The following EMX1 variants were observed in gnomAD, a reference collection of about 807,000 sequenced individuals.
EMX1 encodes empty spiracles homeobox 1.
In EMX1, 10 loss-of-function variants were observed where a neutral mutation model predicts 20.1. The observed-to-expected ratio is 0.50, with a 90% confidence interval of 0.31 to 0.84. The LOEUF (loss-of-function observed/expected upper bound fraction) is 0.84, where lower values mean the gene tolerates loss of function less well. Among genes scored for constraint, EMX1 ranks in the 40% least tolerant of loss-of-function variants. The pLI, the probability that EMX1 is intolerant of heterozygous loss-of-function variation, is 0.05. For missense variants in EMX1, 424 were observed against 431.9 expected, an observed-to-expected ratio of 0.98 and a Z score of 0.16; for synonymous variants, 250 against 200.4, an observed-to-expected ratio of 1.25 and a Z score of -2.09.
rs1189891345 is a variant in EMX1 at position 72,926,339 on chromosome 2, CAT to C, written c.705+1851_705+1852del. On this transcript the variant is annotated intron_variant, in intron 2 of 2. Transcript: ENST00000258106. ...CATTTTTATTATGAGACATTTCAAA[CAT>C]ATATTTAAAACAAAACCAGATAGAA... 7.3e-6 allele frequency: 7 copies of C among 963,512 alleles called. No individual in the cohort carries two copies. In the Admixed American group the frequency reaches 4.3e-4, roughly 59 times the overall value. The allele number at this position is 963,512 out of a possible 1,614,324, so 59.7% of individuals were successfully genotyped here.
upstream of EMX1, chr2:72,917,437 T>C (rs1250339226): frequency 5.1e-6 from 1 of 196,294 alleles, no homozygotes; most frequent in East Asian, 1.4e-4. Context: ...CCACCCGCCG[T>C]CCCTCGCCCC....
chr2:72,930,568 A>G lies in EMX1; in HGVS notation c.706-3219A>G, dbSNP rs148409746. On this transcript the variant is annotated intron_variant, in intron 2 of 2. Transcript: ENST00000258106. The surrounding 1 kb of genome is among the most constrained non-coding windows in gnomAD (Gnocchi z 4.4). ...AAGGGGTCCTCCAGCTAACATTCCA[A>G]CTGTACCTCGGGGCTTAGAGAGAGG... Among the ~76,000 whole-genome samples, 135 of 152,230 alleles carry G rather than the reference A, an allele frequency of 8.9e-4. 1 individual carries two copies. Among genetic ancestry groups the G allele is most frequent in the African/African-American group, 3.0e-3 (124 of 41,526 alleles).
At chr2:72,918,413 G>A in intron 1 of EMX1, 41 bp downstream of exon 1, 3 of 1,361,380 alleles carry the variant, frequency 2.2e-6, no homozygotes, top group Non-Finnish European at 2.8e-6. Flanking sequence ...GCCGGCCGGC[G>A]CCCGTGCTGC....
In EMX1 at chr2:72,934,087, T is replaced by A; in HGVS notation, c.*133T>A. On this transcript the variant is annotated 3_prime_UTR_variant, in exon 3 of 3. Transcript: ENST00000258106. The stretch of plus-strand genomic sequence containing the variant: ...GCCTGGAGTCATGGCCCCACAGGGC[T>A]TGAAGCCCGGGGCCGCCATTGACAG... The A allele has an allele frequency of 7.8e-7, 1 of 1,277,372 alleles. No individual in the cohort carries two copies. Among genetic ancestry groups the A allele is most frequent in the Non-Finnish European group, 1.1e-6 (1 of 945,048 alleles). 79.1% of individuals were successfully genotyped at this position (1,277,372 alleles called of 1,614,324 possible).
At chr2:72,927,670 A>T (rs1671227043) in intron 2 of EMX1, among the ~76,000 whole-genome samples, 1 of 152,214 alleles carries the variant, frequency 6.6e-6, no homozygotes, top group Non-Finnish European at 1.5e-5. Context: ...GAAAAAGTTT[A>T]AAAACAGTTA....
At chr2:72,931,361 A>G (rs937593640) in intron 2 of EMX1, among the ~76,000 whole-genome samples, 1 of 152,244 alleles carries the variant, frequency 6.6e-6, no homozygotes, top group Non-Finnish European at 1.5e-5. Context: ...GGAAAGAGGA[A>G]GGTACAGAAA....
intron 2 of EMX1, 78 bp from the exon 3 acceptor site, chr2:72,933,709 G>T: frequency 6.4e-7 from 1 of 1,559,690 alleles, no homozygotes; most frequent in Non-Finnish European, 8.7e-7. Flanking sequence ...TCTCAGCTCA[G>T]CCTGAGTGTT....
chr2:72,916,593 G>A, upstream of EMX1: 1 of 654,646 alleles, frequency 1.5e-6, no homozygotes, highest in Non-Finnish European at 2.8e-6. Context: ...GAGCAGAGTC[G>A]TCCGCGGTTC....
chr2:72,916,735 G>A (rs576578537), upstream of EMX1: 213 of 717,354 alleles, frequency 3.0e-4, 1 homozygote, highest in Middle Eastern at 1.6e-3. Flanking sequence ...TGTCTCCGAG[G>A]CCCTGACCTG....
At chr2:72,920,973 G>A (rs1463431336) in intron 1 of EMX1, among the ~76,000 whole-genome samples, 2 of 152,240 alleles carry the variant, frequency 1.3e-5, no homozygotes, top group Non-Finnish European at 2.9e-5. Context: ...TCTGGCAGGA[G>A]GACGGGGAAT....
chr2:72,916,931 C>T (rs1277350990), upstream of EMX1: 1 of 717,392 alleles, frequency 1.4e-6, no homozygotes, highest in Admixed American at 2.0e-5. Flanking sequence ...TTCTCCCGCG[C>T]AGTGCCCCGC....
At chr2:72,927,021 A>G (rs1671217034) in intron 2 of EMX1, among the ~76,000 whole-genome samples, 2 of 152,124 alleles carry the variant, frequency 1.3e-5, no homozygotes, top group South Asian at 4.2e-4. Flanking sequence ...TAATATCTGT[A>G]TCTGTCTCCA....
Position 72,933,863 on chromosome 2 carries a change from A to C in EMX1, c.782A>C (p.Gln261Pro). ...GAGGAGGAAGGGCCTGAGTCCGAGCAGAAGAAGAAGGGCTCCCATCACATC... is the reference window on the plus strand; with the variant it reads ...GAGGAGGAAGGGCCTGAGTCCGAGCCGAAGAAGAAGGGCTCCCATCACATC... ...KLEEEGPESE[Q>P]KKKGSHHINR... The change falls in exon 3 of 3, where the codon CAG becomes CCG. Residue 261 changes from glutamine to proline, a missense_variant. This residue lies in a region of EMX1 where 91 missense variants were observed against 135.2 expected (regional missense o/e 0.67). Coordinates refer to ENST00000258106, the MANE Select transcript of EMX1 (RefSeq NM_004097.3). 1 of 1,614,166 alleles carries C rather than the reference A, an allele frequency of 6.2e-7. No individual in the cohort carries two copies. The highest frequency in any genetic ancestry group is 2.2e-5 in the East Asian group (1 of 44,884).
chr2:72,916,642 G>T, upstream of EMX1: 1 of 704,758 alleles, frequency 1.4e-6, no homozygotes, highest in South Asian at 1.5e-5. Flanking sequence ...AGGGAGGTCA[G>T]GCTGCTTCTG....
rs1056866689 is a variant in EMX1 at position 72,933,943 on chromosome 2, T to C, written c.862T>C (p.Ser288Pro). 6.2e-7 allele frequency: 1 copy of C among 1,614,178 alleles called. No individual in the cohort carries two copies. The highest frequency in any genetic ancestry group is 1.3e-5 in the African/African-American group (1 of 75,056). Residue 288 changes from serine to proline, a missense_variant, in exon 3 of 3, where the codon TCC (serine) becomes CCC (proline). This residue lies in a region of EMX1 where 91 missense variants were observed against 135.2 expected (regional missense o/e 0.67). Coordinates refer to ENST00000258106, the MANE Select transcript of EMX1 (RefSeq NM_004097.3). ...QANGEDIDVTSND is the reference protein window; with the variant it reads ...QANGEDIDVTPND ...CAATGGGGAGGACATCGATGTCACC[T>C]CCAATGACTAGGGTGGGCAACCACA...
intron 2 of EMX1, chr2:72,925,870 C>G (rs945367692): frequency 1.0e-6 from 1 of 985,398 alleles, no homozygotes; most frequent in African/African-American, 1.7e-5. Context: ...AGGCAGGACC[C>G]GTGCGTTTTC....
Position 72,924,422 on chromosome 2 carries a change from G to A in EMX1, c.634G>A (p.Glu212Lys), listed in dbSNP as rs750699174. ...SQLLRLERAFEKNHYVVGAER... is the reference protein window; with the variant it reads ...SQLLRLERAFKKNHYVVGAER... The stretch of plus-strand genomic sequence containing the variant: ...GCTGCTGCGGCTGGAGCGCGCCTTC[G>A]AGAAGAACCACTACGTGGTGGGCGC... Residue 212 changes from glutamate to lysine, a missense_variant, in exon 2 of 3, where the codon GAG becomes AAG. This residue lies in a region of EMX1 where 91 missense variants were observed against 135.2 expected (regional missense o/e 0.67). Coordinates refer to ENST00000258106, the MANE Select transcript of EMX1 (RefSeq NM_004097.3). 2.5e-6 allele frequency: 4 copies of A among 1,596,514 alleles called. No homozygotes were observed. Among genetic ancestry groups the A allele is most frequent in the Non-Finnish European group, 3.4e-6 (4 of 1,176,284 alleles).
intron 1 of EMX1, 130 bp from the exon 2 acceptor site, chr2:72,924,179 G>A (rs1207951904): frequency 1.8e-6 from 2 of 1,124,394 alleles, no homozygotes; most frequent in Non-Finnish European, 2.6e-6. Context: ...GTGTGTGTGC[G>A]TGTCAAGGAA....
intron 2 of EMX1, chr2:72,933,431 C>T (rs142874862): frequency 6.9e-5 from 17 of 247,316 alleles, no homozygotes; most frequent in Non-Finnish European, 1.1e-4. Context: ...TCTAGAAACT[C>T]GTAGAGTCCC....
Sources: allele counts gnomAD v4.1 joint callset (sites outside exome capture counted in the v4.1 genomes callset), GRCh38; gene constraint gnomAD v4.1.1; regional missense constraint gnomAD v4.1.1; non-coding constraint Gnocchi (gnomAD v3.1); transcripts MANE v1.5; gene names NCBI Gene and HGNC (gene_info 2026-07-23, HGNC 2026-07-21).